The following PRKN variants were observed in gnomAD, a reference collection of about 807,000 sequenced individuals.
PRKN encodes the protein E3 ubiquitin-protein ligase parkin.
A neutral mutation model predicts 59.5 loss-of-function variants in PRKN; 56 were observed. The ratio of observed to expected loss-of-function variants is 0.94; its 90% CI spans 0.76 to 1.18. The LOEUF (loss-of-function observed/expected upper bound fraction) is 1.18. Among genes scored for constraint, PRKN ranks in the 50% most tolerant of loss-of-function variants. The probability of loss-of-function intolerance (pLI) is 0.00; values close to 1 mark genes in which losing one functional copy is unlikely to be tolerated. For synonymous variants in PRKN, 250 were observed against 222.1 expected (o/e 1.13, Z -1.12); for missense variants, 657 against 596.4 (o/e 1.10, Z -1.06).
intron 6 of PRKN, among the ~76,000 whole-genome samples, chr6:161,935,015 A>G (rs951886744): frequency 5.3e-5 from 8 of 152,194 alleles, no homozygotes; most frequent in African/African-American, 1.9e-4. Flanking sequence ...TCAGATCTGA[A>G]GAAACACTAG....
chr6:161,769,175 A>G (rs1789556821), intron 7 of PRKN, among the ~76,000 whole-genome samples: 1 of 152,248 alleles, frequency 6.6e-6, no homozygotes, highest in African/African-American at 2.4e-5. Context: ...CTTTTCAACT[A>G]TACAACTTCA....
At chr6:162,227,399 C>A (rs5012012) in intron 3 of PRKN, among the ~76,000 whole-genome samples, 63,485 of 151,850 alleles carry the variant, frequency 0.42, 15,158 homozygotes, top group East Asian at 0.78. Flanking sequence ...TCTCTCTACC[C>A]TTTATATCTA....
chr6:161,639,788 G>A (rs971608006), intron 7 of PRKN, among the ~76,000 whole-genome samples: 1 of 152,182 alleles, frequency 6.6e-6, no homozygotes, highest in Non-Finnish European at 1.5e-5. Flanking sequence ...CTCAGGCAAG[G>A]AGGAGGGGCT....
At chr6:161,957,132 T>C (rs1193739154) in intron 6 of PRKN, among the ~76,000 whole-genome samples, 3 of 152,160 alleles carry the variant, frequency 2.0e-5, no homozygotes, top group African/African-American at 7.2e-5. Flanking sequence ...AGTCTTGCAG[T>C]AGGAGAGGAT....
intron 6 of PRKN, among the ~76,000 whole-genome samples, chr6:161,923,970 A>G (rs1778875173): frequency 6.6e-6 from 1 of 151,936 alleles, no homozygotes; most frequent in Admixed American, 6.6e-5. Context: ...CATTTTTCCC[A>G]TTCTCTTTCC....
intron 7 of PRKN, among the ~76,000 whole-genome samples, chr6:161,619,981 C>CTTTTTTTTTTTTT (rs71004058): frequency 3.2e-5 from 2 of 63,122 alleles, no homozygotes; most frequent in East Asian, 5.0e-4. Context: ...ACACATTATT[C>CTTTTTTTTTTTTT]TTTTTTTTTT....
Position 162,490,081 on chromosome 6 carries a change from A to G in PRKN, c.8-46608T>C, listed in dbSNP as rs180866607. On this transcript the variant is annotated intron_variant, in intron 1 of 11. Transcript: ENST00000366898. ...AGTGACAGTGACAGCATACTCTCTC[A>G]TGGCTCCCTGCAGAGTCCTTGGAAG... Among the ~76,000 whole-genome samples, 147 of 152,290 alleles carry G rather than the reference A, an allele frequency of 9.7e-4. 1 individual carries two copies. The highest frequency in any genetic ancestry group is 1.9e-3 in the Admixed American group (29 of 15,284).
At chr6:162,249,551 T>C (rs763984071) in intron 3 of PRKN, among the ~76,000 whole-genome samples, 3 of 152,172 alleles carry the variant, frequency 2.0e-5, no homozygotes, top group South Asian at 2.1e-4. Flanking sequence ...CCAATTTATA[T>C]ATACAGTGCA....
At chr6:162,477,514 C>A (rs1262850061) in intron 1 of PRKN, among the ~76,000 whole-genome samples, 3 of 152,206 alleles carry the variant, frequency 2.0e-5, no homozygotes, top group Non-Finnish European at 4.4e-5. Context: ...GCAGTTGCTA[C>A]ACAGGGTCAT....
intron 6 of PRKN, among the ~76,000 whole-genome samples, chr6:161,836,461 C>T (rs1479773798): frequency 6.6e-6 from 1 of 152,170 alleles, no homozygotes; most frequent in Non-Finnish European, 1.5e-5. Context: ...AATCAATTTT[C>T]AATTTTATCA....
chr6:162,713,270 G>A (rs1296444339), intron 1 of PRKN, among the ~76,000 whole-genome samples: 1 of 152,074 alleles, frequency 6.6e-6, no homozygotes, highest in African/African-American at 2.4e-5. Context: ...CGAGGCGGGC[G>A]GATCACGAGG....
chr6:161,787,432 A>G (rs1304384553), intron 6 of PRKN, among the ~76,000 whole-genome samples: 1 of 152,156 alleles, frequency 6.6e-6, no homozygotes, highest in Non-Finnish European at 1.5e-5. Flanking sequence ...TCACTCGCAT[A>G]CACATGCTCA....
At chr6:161,693,342 T>A (rs947480035) in intron 7 of PRKN, among the ~76,000 whole-genome samples, 21 of 152,344 alleles carry the variant, frequency 1.4e-4, no homozygotes, top group African/African-American at 5.1e-4. Context: ...ATGGGTGTTT[T>A]ATCTTATCAG....
chr6:161,702,781 A>G (rs991239338), intron 7 of PRKN, among the ~76,000 whole-genome samples: 4 of 152,254 alleles, frequency 2.6e-5, no homozygotes, highest in African/African-American at 4.8e-5. Flanking sequence ...GTGTTAAAAG[A>G]AAACACAGGA....
chr6:162,053,580 T>C (rs564691804), intron 5 of PRKN, among the ~76,000 whole-genome samples: 22 of 152,236 alleles, frequency 1.4e-4, no homozygotes, highest in Middle Eastern at 3.4e-3. Context: ...GAACAGAGGA[T>C]GGTAATTCAA....
intron 5 of PRKN, among the ~76,000 whole-genome samples, chr6:162,043,021 G>A (rs552812148): frequency 7.2e-4 from 109 of 152,294 alleles, no homozygotes; most frequent in African/African-American, 2.4e-3. Context: ...ACATGACTGG[G>A]GAGGCCTCAT....
intron 2 of PRKN, among the ~76,000 whole-genome samples, chr6:162,307,580 A>G (rs1782289824): frequency 6.6e-6 from 1 of 152,142 alleles, no homozygotes; most frequent in South Asian, 2.1e-4. Context: ...GAAGGAAAAT[A>G]CTATACCTTT....
intron 6 of PRKN, among the ~76,000 whole-genome samples, chr6:161,810,020 G>A (rs369562692): frequency 2.0e-5 from 3 of 152,142 alleles, no homozygotes; most frequent in African/African-American, 4.8e-5. Flanking sequence ...AGTATTACAG[G>A]TTGAGCTGTG....
chr6:161,950,842 G>T (rs1451771011), intron 6 of PRKN, among the ~76,000 whole-genome samples: 4 of 151,724 alleles, frequency 2.6e-5, no homozygotes, highest in Admixed American at 6.6e-5. Flanking sequence ...TTCGAGAGTT[G>T]TAAAAGCCTC....
Sources: gnomAD v4.1 joint callset for allele counts (sites outside exome capture counted in the v4.1 genomes callset) on GRCh38, gnomAD v4.1.1 for gene constraint, MANE v1.5 for transcripts, NCBI Gene and HGNC (gene_info 2026-07-23, HGNC 2026-07-21) for gene names.